The following NCOA2 variants were observed in gnomAD, a reference collection of about 807,000 sequenced individuals.
NCOA2 encodes nuclear receptor coactivator 2, also known as class E basic helix-loop-helix protein 75.
In NCOA2, 21 loss-of-function variants were observed where a neutral mutation model predicts 145.1. The ratio of observed to expected loss-of-function variants is 0.14; its 90% CI spans 0.10 to 0.21. The LOEUF (loss-of-function observed/expected upper bound fraction) is 0.21. Ranked by LOEUF, NCOA2 falls within the 10% of genes least tolerant of loss-of-function variation. The probability of loss-of-function intolerance (pLI) is 1.00; values close to 1 mark genes in which losing one functional copy is unlikely to be tolerated. For synonymous variants in NCOA2, 619 were observed against 637.5 expected, an observed-to-expected ratio of 0.97 and a Z score of 0.44; for missense variants, 1,472 against 1,837.6, an observed-to-expected ratio of 0.80 and a Z score of 3.64.
intron 2 of NCOA2, among the ~76,000 whole-genome samples, chr8:70,286,569 A>G (rs1460931476): frequency 6.6e-6 from 1 of 152,198 alleles, no homozygotes; most frequent in Admixed American, 6.5e-5. Flanking sequence ...AACACTAAAA[A>G]CATATTTCAC....
At chr8:70,198,054 GCCT>G (rs1817520884) in intron 4 of NCOA2, among the ~76,000 whole-genome samples, 1 of 152,044 alleles carries the variant, frequency 6.6e-6, no homozygotes, top group Non-Finnish European at 1.5e-5. Flanking sequence ...TCCTGCCTTG[GCCT>G]CCCAAAGTGT....
chr8:70,348,896 G>A (rs1321436924), intron 1 of NCOA2, among the ~76,000 whole-genome samples: 1 of 151,578 alleles, frequency 6.6e-6, no homozygotes, highest in Non-Finnish European at 1.5e-5. Flanking sequence ...ATAAATTTGG[G>A]AGCTATGTAA....
intron 2 of NCOA2, among the ~76,000 whole-genome samples, chr8:70,274,278 A>G (rs934069677): frequency 6.6e-6 from 1 of 151,990 alleles, no homozygotes; most frequent in East Asian, 1.9e-4. Context: ...TTTTTTGGTT[A>G]AAAGTGCTTG....
intron 19 of NCOA2, among the ~76,000 whole-genome samples, chr8:70,125,212 T>C (rs905772660): frequency 1.6e-4 from 25 of 152,202 alleles, no homozygotes; most frequent in East Asian, 5.8e-4. Flanking sequence ...TATATATATA[T>C]ACACATATAA....
intron 1 of NCOA2, among the ~76,000 whole-genome samples, chr8:70,341,220 A>C (rs1808115937): frequency 6.6e-6 from 1 of 152,034 alleles, no homozygotes; most frequent in South Asian, 2.1e-4. Context: ...CTATCTCTAG[A>C]AACACTTTGA....
intron 1 of NCOA2, among the ~76,000 whole-genome samples, chr8:70,347,203 G>A (rs1033015395): frequency 2.6e-5 from 4 of 151,946 alleles, no homozygotes; most frequent in African/African-American, 4.8e-5. Flanking sequence ...CAAAAAAATC[G>A]GCTGGGCACG....
chr8:70,451,237 A>AAAAAAATAT, the NCOA2 span, among the ~76,000 whole-genome samples: 3 of 69,526 alleles, frequency 4.3e-5, no homozygotes, highest in African/African-American at 2.3e-4. Flanking sequence ...AAAAAAAAAA[A>AAAAAAATAT]ATATATATAT....
At chr8:70,296,446 G>T (rs1157539350) in intron 2 of NCOA2, among the ~76,000 whole-genome samples, 2 of 152,066 alleles carry the variant, frequency 1.3e-5, no homozygotes, top group Admixed American at 1.3e-4. Flanking sequence ...TAAACATTTT[G>T]TCAGGCTATG....
chr8:70,123,326 G>C (rs901043673), intron 21 of NCOA2, among the ~76,000 whole-genome samples: 6 of 152,088 alleles, frequency 3.9e-5, no homozygotes, highest in African/African-American at 9.7e-5. Flanking sequence ...CTTTTCATCT[G>C]GTTTTACACT....
intron 1 of NCOA2, among the ~76,000 whole-genome samples, chr8:70,397,753 T>G (rs1813819578): frequency 6.6e-6 from 1 of 152,228 alleles, no homozygotes; most frequent in Non-Finnish European, 1.5e-5. Flanking sequence ...ATTCATACCT[T>G]CATTACATGA....
chr8:70,276,722 G>C (rs1021555491), intron 2 of NCOA2, among the ~76,000 whole-genome samples: 1 of 152,164 alleles, frequency 6.6e-6, no homozygotes, highest in Non-Finnish European at 1.5e-5. Flanking sequence ...GTGAAACTGT[G>C]AGTCAATTAA....
At chr8:70,180,865 C>A (rs979833967) in intron 4 of NCOA2, among the ~76,000 whole-genome samples, 7 of 152,212 alleles carry the variant, frequency 4.6e-5, no homozygotes, top group Non-Finnish European at 1.0e-4. Flanking sequence ...TGCCACCATG[C>A]TCAGCTCCAT....
At chr8:70,445,042 T>C in the NCOA2 span, among the ~76,000 whole-genome samples, 3 of 152,236 alleles carry the variant, frequency 2.0e-5, no homozygotes, top group African/African-American at 7.2e-5. Context: ...GTGCTCTCTA[T>C]AAATACTGTT....
At chr8:70,115,244 A>G (rs1425308377) in intron 22 of NCOA2, among the ~76,000 whole-genome samples, 3 of 152,082 alleles carry the variant, frequency 2.0e-5, no homozygotes, top group African/African-American at 4.8e-5. Context: ...TCTGCCTCCC[A>G]GGTTAAAGCA....
intron 4 of NCOA2, among the ~76,000 whole-genome samples, chr8:70,213,541 T>C (rs1380304354): frequency 6.6e-6 from 1 of 152,202 alleles, no homozygotes; most frequent in Admixed American, 6.5e-5. Flanking sequence ...TCCTTACTTC[T>C]GGTTTACATC....
intron 1 of NCOA2, among the ~76,000 whole-genome samples, chr8:70,335,147 AAAAAAAG>A (rs1189922847): frequency 2.7e-5 from 4 of 149,904 alleles, no homozygotes; most frequent in East Asian, 3.9e-4. Flanking sequence ...AAAAAAAAAA[AAAAAAAG>A]ATCTCTCCCT....
chr8:70,350,058 C>T (rs1167888342), intron 1 of NCOA2, among the ~76,000 whole-genome samples: 3 of 152,050 alleles, frequency 2.0e-5, no homozygotes, highest in Non-Finnish European at 2.9e-5. Flanking sequence ...TATACTGTTA[C>T]GTAGCCAGAC....
intron 4 of NCOA2, among the ~76,000 whole-genome samples, chr8:70,192,469 G>C (rs76720618): frequency 0.045 from 6,902 of 152,288 alleles, 263 homozygotes; most frequent in East Asian, 0.16. Context: ...CTGGCTTCCA[G>C]CCTGTGCATA....
chr8:70,211,998 T>G (rs1394275410), intron 4 of NCOA2, among the ~76,000 whole-genome samples: 1 of 151,672 alleles, frequency 6.6e-6, no homozygotes, highest in African/African-American at 2.4e-5. Context: ...ACATGTTTTA[T>G]GGTTTGAAGG....
Sources: allele counts gnomAD v4.1 joint callset (sites outside exome capture counted in the v4.1 genomes callset), GRCh38; gene constraint gnomAD v4.1.1; transcripts MANE v1.5; gene names NCBI Gene and HGNC (gene_info 2026-07-23, HGNC 2026-07-21).